The following SLC14A2 variants were observed in gnomAD, a reference collection of about 807,000 sequenced individuals.
The protein encoded by SLC14A2 is solute carrier family 14 member 2, also known as urea transporter 2.
In SLC14A2, 91 loss-of-function variants were observed where a neutral mutation model predicts 104.6. That is an observed-to-expected ratio of 0.87 (90% CI 0.73 to 1.04). The LOEUF (loss-of-function observed/expected upper bound fraction) is 1.04, where lower values mean the gene tolerates loss of function less well. SLC14A2 is among the 50% of genes least tolerant of loss of function. The pLI is 0.00. For missense variants in SLC14A2, 1,189 were observed against 1,156.0 expected (o/e 1.03, Z -0.41); for synonymous variants, 476 against 466.4 (o/e 1.02, Z -0.27).
At chr18:45,247,795 G>A (rs937820151) in intron 1 of SLC14A2, among the ~76,000 whole-genome samples, 9 of 151,258 alleles carry the variant, frequency 6.0e-5, no homozygotes, top group Admixed American at 1.3e-4. Context: ...GCTGTGATAC[G>A]AGGCACTGGA....
chr18:45,397,585 T>C (rs1203989900), intron 1 of SLC14A2, among the ~76,000 whole-genome samples: 2 of 152,192 alleles, frequency 1.3e-5, no homozygotes, highest in Non-Finnish European at 1.5e-5. Flanking sequence ...GATGCATAGT[T>C]TGCAAATATT....
At chr18:45,492,510 C>T (rs1428265505) in intron 2 of SLC14A2, among the ~76,000 whole-genome samples, 1 of 152,116 alleles carries the variant, frequency 6.6e-6, no homozygotes, top group Non-Finnish European at 1.5e-5. Context: ...AATTCACTAT[C>T]ACGAAAACAG....
intron 1 of SLC14A2, among the ~76,000 whole-genome samples, chr18:45,475,654 T>TTTAGGATATATATATATATATTTAGG (rs1415251972): frequency 1.5e-3 from 80 of 53,546 alleles, no homozygotes; most frequent in African/African-American, 8.2e-3. Flanking sequence ...TATATATATA[T>TTTAGGATATATATATATATATTTAGG]ATATATATAT....
chr18:45,244,867 CATTCATCCATCTGTCT>C (rs2084353583), intron 1 of SLC14A2, among the ~76,000 whole-genome samples: 1 of 152,210 alleles, frequency 6.6e-6, no homozygotes, highest in Admixed American at 6.5e-5. Context: ...CACATCTATT[CATTCATCCATCTGTCT>C]ATTCATCCAT....
chr18:45,421,228 C>G (rs1181324123), intron 1 of SLC14A2, among the ~76,000 whole-genome samples: 1 of 151,414 alleles, frequency 6.6e-6, no homozygotes, highest in Non-Finnish European at 1.5e-5. Flanking sequence ...TTAGAGTTGT[C>G]CCACCCACAT....
chr18:45,373,279 A>G (rs1418682860), intron 1 of SLC14A2, among the ~76,000 whole-genome samples: 3 of 152,034 alleles, frequency 2.0e-5, no homozygotes, highest in Non-Finnish European at 4.4e-5. Context: ...ATCTTCACAC[A>G]TTTATATTAT....
At chr18:45,240,938 G>A (rs902050879) in intron 1 of SLC14A2, among the ~76,000 whole-genome samples, 4 of 152,100 alleles carry the variant, frequency 2.6e-5, no homozygotes, top group African/African-American at 4.8e-5. Flanking sequence ...GATTACAGTC[G>A]TGAGCCACCG....
intron 1 of SLC14A2, among the ~76,000 whole-genome samples, chr18:45,268,011 C>T (rs62093662): frequency 0.15 from 23,531 of 152,096 alleles, 1,953 homozygotes; most frequent in Non-Finnish European, 0.19. Flanking sequence ...CTATAGCAAA[C>T]ATAGTTCAAT....
chr18:45,571,873 T>C (rs983969341), intron 2 of SLC14A2, among the ~76,000 whole-genome samples: 3 of 152,190 alleles, frequency 2.0e-5, no homozygotes, highest in Non-Finnish European at 4.4e-5. Flanking sequence ...ATTGATAGGG[T>C]TGGTTGAACA....
chr18:45,419,164 A>G (rs925014793), intron 1 of SLC14A2, among the ~76,000 whole-genome samples: 2 of 152,214 alleles, frequency 1.3e-5, no homozygotes, highest in Non-Finnish European at 2.9e-5. Flanking sequence ...CTATTATTAT[A>G]AGAGTGCTAT....
At chr18:45,463,325 C>T (rs889941515) in intron 1 of SLC14A2, among the ~76,000 whole-genome samples, 1 of 152,186 alleles carries the variant, frequency 6.6e-6, no homozygotes, top group African/African-American at 2.4e-5. Context: ...GCTTGACCCA[C>T]CAGCTGTGTG....
At chr18:45,212,983 A>G (rs1463500368), upstream of SLC14A2, 1 of 152,412 alleles carries the variant, frequency 6.6e-6, no homozygotes, top group East Asian at 1.9e-4. Flanking sequence ...CATTGCTCCA[A>G]CTCACCATTT....
At chr18:45,665,843 G>C (rs1023975373) in intron 11 of SLC14A2, among the ~76,000 whole-genome samples, 17 of 151,852 alleles carry the variant, frequency 1.1e-4, no homozygotes, top group African/African-American at 3.9e-4. Flanking sequence ...AGCTAAATGA[G>C]GGCTTCTTAA....
intron 2 of SLC14A2, among the ~76,000 whole-genome samples, chr18:45,500,815 A>G (rs2043186523): frequency 6.6e-6 from 1 of 152,216 alleles, no homozygotes; most frequent in South Asian, 2.1e-4. Context: ...CCTTTTCACC[A>G]GGTTCTATCT....
At chr18:45,402,174 C>T (rs2086103475) in intron 1 of SLC14A2, among the ~76,000 whole-genome samples, 1 of 152,072 alleles carries the variant, frequency 6.6e-6, no homozygotes, top group Admixed American at 6.6e-5. Context: ...CAGGGGAACC[C>T]CCAGAAAGTC....
At chr18:45,391,669 A>T (rs890689933) in intron 1 of SLC14A2, among the ~76,000 whole-genome samples, 2 of 152,166 alleles carry the variant, frequency 1.3e-5, no homozygotes, top group Non-Finnish European at 2.9e-5. Context: ...CATCTCTCTG[A>T]TGGCCAGTGA....
chr18:45,212,701 A>T (rs540567933), upstream of SLC14A2, among the ~76,000 whole-genome samples: 1 of 152,336 alleles, frequency 6.6e-6, no homozygotes, highest in South Asian at 2.1e-4. Context: ...CCGCATAGGT[A>T]ATCATACTCC....
chr18:45,360,984 A>G (rs1248751160), intron 1 of SLC14A2, among the ~76,000 whole-genome samples: 3 of 152,024 alleles, frequency 2.0e-5, no homozygotes, highest in African/African-American at 7.3e-5. Flanking sequence ...CTCGCTTCCA[A>G]TATTTAAGTC....
At chr18:45,306,920 C>T (rs1364475983) in intron 1 of SLC14A2, among the ~76,000 whole-genome samples, 1 of 152,176 alleles carries the variant, frequency 6.6e-6, no homozygotes, top group Non-Finnish European at 1.5e-5. Context: ...CTTAATCCCT[C>T]ACCTCCACCA....
Sources: gnomAD v4.1 joint callset for allele counts (sites outside exome capture counted in the v4.1 genomes callset) on GRCh38, gnomAD v4.1.1 for gene constraint, MANE v1.5 for transcripts, NCBI Gene and HGNC (gene_info 2026-07-23, HGNC 2026-07-21) for gene names.